Variants in DLG5 observed in about 807,000 individuals in gnomAD.
The protein encoded by DLG5 is disks large homolog 5.
A neutral mutation model predicts 189.8 loss-of-function variants in DLG5; 48 were observed. The observed-to-expected ratio is 0.25, with a 90% CI of 0.20 to 0.32. DLG5 has a LOEUF of 0.32. Among genes scored for constraint, DLG5 ranks in the 10% least tolerant of loss-of-function variants. The probability of loss-of-function intolerance (pLI) is 1.00; values close to 1 mark genes in which losing one functional copy is unlikely to be tolerated. For synonymous variants in DLG5, 1,016 were observed against 1,054.1 expected (o/e 0.96, Z 0.70); for missense variants, 2,160 against 2,544.7 (o/e 0.85, Z 3.25).
At chr10:77,846,579 C>T (rs1004061771) in intron 5 of DLG5, 1 of 373,630 alleles carries the variant, frequency 2.7e-6, no homozygotes, top group Admixed American at 3.4e-5. Context: ...CACCTGGAAT[C>T]CCTGCTACTC....
At chr10:77,934,122 G>A in the DLG5 span, among the ~76,000 whole-genome samples, 1 of 152,102 alleles carries the variant, frequency 6.6e-6, no homozygotes, top group South Asian at 2.1e-4. Flanking sequence ...TGTAATTCCA[G>A]CATTTTGGGA....
chr10:77,934,583 G>A, the DLG5 span, among the ~76,000 whole-genome samples: 1 of 151,988 alleles, frequency 6.6e-6, no homozygotes, highest in Non-Finnish European at 1.5e-5. Flanking sequence ...TGAGATGGAG[G>A]GGCCCACATG....
intron 15 of DLG5, chr10:77,820,247 G>A (rs1459646046): frequency 8.1e-6 from 4 of 490,832 alleles, no homozygotes; most frequent in Non-Finnish European, 1.4e-5. Flanking sequence ...TTGGGAGGCT[G>A]AGGCAGGAGA....
intron 7 of DLG5, among the ~76,000 whole-genome samples, chr10:77,841,369 T>C (rs201402530): frequency 2.0e-5 from 3 of 152,176 alleles, no homozygotes; most frequent in East Asian, 1.9e-4. Context: ...GAGAAGAATG[T>C]TGGGCTCAGC....
Position 77,843,401 on chromosome 10 carries a change from C to G in DLG5, c.1124+46G>C, listed in dbSNP as rs754830423. Reference sequence around the variant, plus strand: ...TCATCCCCTGGTGGTGGCTGGGAACCTTATAGGACCCATTTGCCCCCGGCC... The same window carrying G: ...TCATCCCCTGGTGGTGGCTGGGAACGTTATAGGACCCATTTGCCCCCGGCC... On this transcript the variant is annotated intron_variant, in intron 6 of 31. Coordinates refer to ENST00000372391, the MANE Select transcript of DLG5 (RefSeq NM_004747.4). 3.1e-6 allele frequency: 5 copies of G among 1,598,124 alleles called. No individual in the cohort carries two copies. In the African/African-American group the frequency reaches 5.4e-5, roughly 17 times the overall value.
chr10:77,934,842 C>CTTTT, the DLG5 span, among the ~76,000 whole-genome samples: 1 of 145,032 alleles, frequency 6.9e-6, no homozygotes, highest in African/African-American at 2.7e-5. Context: ...GGGTGCTGTT[C>CTTTT]TTTTTTTTTG....
chr10:77,867,757 G>C (rs576088417), intron 2 of DLG5, among the ~76,000 whole-genome samples: 1 of 152,234 alleles, frequency 6.6e-6, no homozygotes, highest in Non-Finnish European at 1.5e-5. Context: ...TTATCTTTCC[G>C]AGGCGCATTT....
chr10:77,792,564 C>T, intron 31 of DLG5, 21 bp from the exon 32 acceptor site: 1 of 1,611,918 alleles, frequency 6.2e-7, no homozygotes, highest in African/African-American at 1.3e-5. Flanking sequence ...GCCCCCCAGA[C>T]ACGTCATTCA....
At chr10:77,807,656 A>G (rs1841544279) in intron 25 of DLG5, 140 bp downstream of exon 25, 2 of 989,664 alleles carry the variant, frequency 2.0e-6, no homozygotes, top group Non-Finnish European at 3.0e-6. Context: ...ATAAGCGTGC[A>G]GATTGAGTGT....
At position 77,902,721 on chromosome 10, in the gene DLG5, G is replaced by A. The variant is rs540535160; in HGVS notation, c.304+23496C>T. Reference sequence around the variant, plus strand: ...TAAAAATACAAAAAATTAGCTAGGCGTGGTGGCATGCGCTTGTAGTCCCAG... The same window carrying A: ...TAAAAATACAAAAAATTAGCTAGGCATGGTGGCATGCGCTTGTAGTCCCAG... On this transcript the variant is annotated intron_variant, in intron 1 of 31. Coordinates refer to ENST00000372391, the MANE Select transcript of DLG5 (RefSeq NM_004747.4). 2.6e-5 allele frequency among the ~76,000 whole-genome samples: 4 copies of A among 152,202 alleles called. No individual in the cohort carries two copies. In the South Asian group the frequency reaches 6.2e-4, roughly 24 times the overall value.
chr10:77,900,688 G>C (rs148886941), intron 1 of DLG5, among the ~76,000 whole-genome samples: 3 of 151,998 alleles, frequency 2.0e-5, no homozygotes, highest in Non-Finnish European at 4.4e-5. Context: ...TGTAATCCCA[G>C]CACTTTGGGA....
In DLG5 at chr10:77,796,111, C is replaced by A. The variant is rs761637044; in HGVS notation, c.5386G>T (p.Gly1796Cys). 3.1e-6 allele frequency: 5 copies of A among 1,614,066 alleles called. No homozygotes were observed. Among genetic ancestry groups the A allele is most frequent in the Non-Finnish European group, 4.2e-6 (5 of 1,180,042 alleles). The change falls in exon 29 of 32, where the codon GGC (glycine) becomes TGC (cysteine). Residue 1796 changes from glycine to cysteine, a missense_variant. Physicochemically the swap from Gly to Cys is radical, Grantham distance 159. Transcript: ENST00000372391. This position sits in a 1 kb window ranked among gnomAD's most constrained non-coding sequence, Gnocchi z 5.2. Reference protein sequence around the residue: ...CLFVDYKRRSGHFDVTTVASI... With the variant: ...CLFVDYKRRSCHFDVTTVASI... ...GCCACAGTGGTCACATCGAAATGGC[C>A]GCTTCTCCGCTTATAGTCGACAAAC...
rs367863093 is a variant in DLG5, at chr10:77,797,966, C to T, written c.5165-1372G>A. Reference sequence around the variant, plus strand: ...CTTTGGGAGGCTGAGGCAGGTGGATCGCTTGAGGTCAAGAGTTTGAGACCA... The same window carrying T: ...CTTTGGGAGGCTGAGGCAGGTGGATTGCTTGAGGTCAAGAGTTTGAGACCA... On this transcript the variant is annotated intron_variant, in intron 27 of 31. Transcript: ENST00000372391. Among the ~76,000 whole-genome samples the T allele has an allele frequency of 9.9e-5, 15 of 152,242 alleles. No individual in the cohort carries two copies. In the East Asian group the frequency reaches 1.4e-3, roughly 14 times the overall value.
chr10:77,850,036 T>C (rs1843886272), intron 5 of DLG5, among the ~76,000 whole-genome samples: 1 of 152,118 alleles, frequency 6.6e-6, no homozygotes, highest in Non-Finnish European at 1.5e-5. Context: ...AAATTCTGAG[T>C]CTTTTTTTTT....
intron 1 of DLG5, among the ~76,000 whole-genome samples, chr10:77,880,898 G>C (rs944195808): frequency 3.4e-5 from 5 of 147,266 alleles, no homozygotes; most frequent in South Asian, 2.2e-4. Flanking sequence ...ACTTGCCCAA[G>C]GCCACAAAGC....
chr10:77,829,072 TACAA>T, intron 12 of DLG5, 87 bp from the exon 13 acceptor site: 1 of 1,414,054 alleles, frequency 7.1e-7, no homozygotes, highest in Non-Finnish European at 9.8e-7. Flanking sequence ...ACCATCTTCT[TACAA>T]AAGAGGATGT....
rs764502740 is a variant in DLG5 at position 77,835,847 on chromosome 10, G to A, written c.1513C>T (p.Leu505=). The A allele has an allele frequency of 1.9e-6, 3 of 1,614,142 alleles. No individual in the cohort carries two copies. The highest frequency in any genetic ancestry group is 1.1e-5 in the South Asian group (1 of 91,084). ...AGGGCTTCCTTCAGCTCCTGGCACA[G>A]AGCCTTGCACTGCTTTCGAAGGATT... is the stretch of plus-strand genomic sequence containing the variant. ...VEILRKQCKA[L]CQELKEALQE... Residue 505 remains leucine (L), a synonymous_variant, in exon 8 of 32, where the codon CTG becomes TTG. Transcript: ENST00000372391.
intron 14 of DLG5, among the ~76,000 whole-genome samples, chr10:77,824,087 C>T (rs894251466): frequency 6.6e-6 from 1 of 152,188 alleles, no homozygotes; most frequent in African/African-American, 2.4e-5. Flanking sequence ...TAAAGCCATT[C>T]TCCTGTATAA....
At chr10:77,890,367 C>T (rs1436310777) in intron 1 of DLG5, among the ~76,000 whole-genome samples, 1 of 152,146 alleles carries the variant, frequency 6.6e-6, no homozygotes, top group East Asian at 1.9e-4. Flanking sequence ...GATGTGGCCA[C>T]ACCTCTCATA....
Sources: gnomAD v4.1 joint callset for allele counts (sites outside exome capture counted in the v4.1 genomes callset) on GRCh38, gnomAD v4.1.1 for gene constraint, Gnocchi (gnomAD v3.1) non-coding constraint, MANE v1.5 for transcripts, NCBI Gene and HGNC (gene_info 2026-07-23, HGNC 2026-07-21) for gene names.